The following GNG7 variants were observed in gnomAD, a reference collection of about 807,000 sequenced individuals.
GNG7 encodes the protein guanine nucleotide-binding protein G(I)/G(S)/G(O) subunit gamma-7.
A neutral mutation model predicts 4.0 loss-of-function variants in GNG7; 1 was observed. The observed-to-expected ratio is 0.25, with a 90% CI of 0.09 to 1.18. GNG7 has a LOEUF of 1.18. Ranked by LOEUF, GNG7 falls within the 50% of genes most tolerant of loss-of-function variation. The pLI, the probability that GNG7 is intolerant of heterozygous loss-of-function variation, is 0.50. For missense variants in GNG7, 86 were observed against 91.9 expected, an observed-to-expected ratio of 0.94 and a Z score of 0.26; for synonymous variants, 34 against 36.9, an observed-to-expected ratio of 0.92 and a Z score of 0.29.
In GNG7 at chr19:2,555,147, A is replaced by G. The variant is rs1044471311; in HGVS notation, c.-38+2T>C. ...CATGAAGTAAGAGAAAATGCCACAT[A>G]CCTTTTTTAGTTTTCCCAGGAATCA... On this transcript the variant is annotated splice_donor_variant, in intron 3 of 4. Coordinates refer to ENST00000382159, the MANE Select transcript of GNG7 (RefSeq NM_052847.3). LOFTEE classifies it low-confidence loss of function (5UTR_SPLICE). 1 of 152,122 alleles carries G rather than the reference A, an allele frequency of 6.6e-6. No individual in the cohort carries two copies. Among genetic ancestry groups the G allele is most frequent in the Non-Finnish European group, 1.5e-5 (1 of 68,022 alleles). The allele number at this position is 152,122 out of a possible 1,614,324, so 9.4% of individuals were successfully genotyped here.
At chr19:2,686,347 G>A (rs1983870891) in intron 1 of GNG7, among the ~76,000 whole-genome samples, 3 of 152,028 alleles carry the variant, frequency 2.0e-5, no homozygotes, top group Admixed American at 2.0e-4. Flanking sequence ...TAGTAGAGAC[G>A]GGGTTTCACC....
chr19:2,601,269 G>T (rs1475831327), intron 2 of GNG7, among the ~76,000 whole-genome samples: 5 of 152,144 alleles, frequency 3.3e-5, no homozygotes, highest in African/African-American at 4.8e-5. Context: ...TGGGATGCCT[G>T]TTGTCCCTAA....
chr19:2,568,745 C>G (rs537592252), intron 2 of GNG7, among the ~76,000 whole-genome samples: 1 of 151,120 alleles, frequency 6.6e-6, no homozygotes, highest in African/African-American at 2.4e-5. Context: ...TACATACATA[C>G]ACACATACAC....
intron 2 of GNG7, among the ~76,000 whole-genome samples, chr19:2,636,799 G>A (rs1982319156): frequency 6.6e-6 from 1 of 152,122 alleles, no homozygotes; most frequent in Non-Finnish European, 1.5e-5. Flanking sequence ...AACTGCAGTG[G>A]GGGTAGTGAC....
intron 2 of GNG7, among the ~76,000 whole-genome samples, chr19:2,561,969 C>T (rs1167765568): frequency 6.6e-6 from 1 of 152,172 alleles, no homozygotes; most frequent in Non-Finnish European, 1.5e-5. Context: ...GCAGCTGCCC[C>T]GGGGCGACCC....
Position 2,512,009 on chromosome 19 carries a change from G to C in GNG7, c.*3013C>G, listed in dbSNP as rs555370033. On this transcript the variant is annotated 3_prime_UTR_variant, in exon 5 of 5. Transcript: ENST00000382159. This position sits in a 1 kb window ranked among gnomAD's most constrained non-coding sequence, Gnocchi z 4.7. Reference sequence around the variant, plus strand: ...GCTACTGGTGTCTCGCTCAGCAGCGGGGAAGGCCCGTGGGAGACCCAGGCT... The same window carrying C: ...GCTACTGGTGTCTCGCTCAGCAGCGCGGAAGGCCCGTGGGAGACCCAGGCT... 7.0e-5 allele frequency: 69 copies of C among 985,908 alleles called. No individual in the cohort carries two copies. In the South Asian group the frequency reaches 2.9e-3, roughly 42 times the overall value. The allele number at this position is 985,908 out of a possible 1,614,324, so 61.1% of individuals were successfully genotyped here. A position where few individuals can be genotyped will look rare whatever the true frequency, so the allele number is the denominator to read the frequency against.
intron 1 of GNG7, among the ~76,000 whole-genome samples, chr19:2,660,903 C>T (rs1005368128): frequency 6.6e-6 from 1 of 152,138 alleles, no homozygotes; most frequent in Non-Finnish European, 1.5e-5. Flanking sequence ...GTGAAGAAAT[C>T]CATGTGTTGC....
intron 2 of GNG7, among the ~76,000 whole-genome samples, chr19:2,578,133 C>A (rs1161140478): frequency 1.3e-5 from 2 of 152,096 alleles, no homozygotes; most frequent in African/African-American, 4.8e-5. Context: ...CCACCGCGCC[C>A]GGCTACGTGC....
chr19:2,540,038 C>T (rs943833699), intron 3 of GNG7, among the ~76,000 whole-genome samples: 30 of 127,234 alleles, frequency 2.4e-4, no homozygotes, highest in African/African-American at 1.0e-3. Flanking sequence ...CTGGCTCTCC[C>T]TCCCTCCCTC....
chr19:2,554,729 A>G (rs1338604086), intron 3 of GNG7, among the ~76,000 whole-genome samples: 2 of 151,078 alleles, frequency 1.3e-5, no homozygotes, highest in African/African-American at 4.9e-5. Context: ...TAATTTTTGT[A>G]CTTTTGGTAG....
chr19:2,682,177 G>A (rs1039367406), intron 1 of GNG7, among the ~76,000 whole-genome samples: 2 of 151,790 alleles, frequency 1.3e-5, no homozygotes, highest in African/African-American at 4.8e-5. Context: ...CCAAAGTGCT[G>A]TGATTACAGG....
intron 2 of GNG7, among the ~76,000 whole-genome samples, chr19:2,594,737 T>C (rs1980962966): frequency 6.6e-6 from 1 of 152,184 alleles, no homozygotes; most frequent in South Asian, 2.1e-4. Flanking sequence ...TAACACTGTC[T>C]TATTATCAAC....
At chr19:2,615,454 GTTTTTT>G (rs56036626) in intron 2 of GNG7, among the ~76,000 whole-genome samples, 227 of 48,848 alleles carry the variant, frequency 4.6e-3, no homozygotes, top group African/African-American at 0.019. Context: ...GTCTTTTCCG[GTTTTTT>G]TTTTTTTTTT....
chr19:2,593,541 C>T (rs369332509), intron 2 of GNG7, among the ~76,000 whole-genome samples: 4 of 152,020 alleles, frequency 2.6e-5, no homozygotes, highest in East Asian at 1.9e-4. Flanking sequence ...GTCAGAAGTT[C>T]GAGACCAGCC....
intron 3 of GNG7, among the ~76,000 whole-genome samples, chr19:2,544,015 C>T (rs1262334570): frequency 6.6e-6 from 1 of 152,056 alleles, no homozygotes; most frequent in Non-Finnish European, 1.5e-5. Context: ...CCTCTGCCTG[C>T]CTCGAAAAAG....
At chr19:2,687,283 C>T (rs1983895487) in intron 1 of GNG7, among the ~76,000 whole-genome samples, 1 of 151,966 alleles carries the variant, frequency 6.6e-6, no homozygotes, top group Non-Finnish European at 1.5e-5. Context: ...TGGTCTCAAG[C>T]TCCTGGGCTC....
intron 2 of GNG7, among the ~76,000 whole-genome samples, chr19:2,597,167 C>T (rs28529573): frequency 0.69 from 104,379 of 151,512 alleles, 36,387 homozygotes; most frequent in Non-Finnish European, 0.76. Flanking sequence ...GTGACTGAGG[C>T]GGGAGGATTG....
chr19:2,532,247 T>G (rs1177291081), intron 3 of GNG7, among the ~76,000 whole-genome samples: 3 of 151,770 alleles, frequency 2.0e-5, no homozygotes, highest in Non-Finnish European at 4.4e-5. Context: ...AAATTAATTG[T>G]GTTAATTACG....
chr19:2,636,101 CAG>C (rs1335919418), intron 2 of GNG7, among the ~76,000 whole-genome samples: 3 of 152,100 alleles, frequency 2.0e-5, no homozygotes, highest in Non-Finnish European at 4.4e-5. Context: ...TGGAAAAAAA[CAG>C]AGTCTGCTCT....
Sources: gnomAD v4.1 joint callset for allele counts (sites outside exome capture counted in the v4.1 genomes callset) on GRCh38, gnomAD v4.1.1 for gene constraint, Gnocchi (gnomAD v3.1) non-coding constraint, MANE v1.5 for transcripts, NCBI Gene and HGNC (gene_info 2026-07-23, HGNC 2026-07-21) for gene names.